Variants in RELB observed in about 807,000 individuals in gnomAD.
The protein encoded by RELB is transcription factor RelB.
A neutral mutation model predicts 55.4 loss-of-function variants in RELB; 14 were observed. The ratio of observed to expected loss-of-function variants is 0.25; its 90% CI spans 0.17 to 0.40. The LOEUF is 0.40. Ranked by LOEUF, RELB falls within the 10% of genes least tolerant of loss-of-function variation. The probability of loss-of-function intolerance (pLI) is 1.00; values close to 1 mark genes in which losing one functional copy is unlikely to be tolerated. For missense variants in RELB, 669 were observed against 830.7 expected, an observed-to-expected ratio of 0.81 and a Z score of 2.39; for synonymous variants, 409 against 371.3, an observed-to-expected ratio of 1.10 and a Z score of -1.17.
chr19:45,019,530 C>T (rs1274295900), intron 4 of RELB, among the ~76,000 whole-genome samples: 1 of 152,150 alleles, frequency 6.6e-6, no homozygotes, highest in African/African-American at 2.4e-5. Context: ...ATGTAATATA[C>T]AGTCCATATT....
chr19:45,037,562 G>A lies in RELB; in HGVS notation c.1512G>A (p.Leu504=). ...TAPTLFTMLD[L]LPPAPPHASA... ...CCACACTCTTCACCATGCTGGACCT[G>A]CTGCCCCCGGCACCGCCACACGCTA... Residue 504 remains leucine, a synonymous_variant, in exon 12 of 12, where the codon CTG becomes CTA. Transcript: ENST00000221452. 1 of 1,612,684 alleles carries A rather than the reference G, an allele frequency of 6.2e-7. No individual in the cohort carries two copies. The highest frequency in any genetic ancestry group is 8.5e-7 in the Non-Finnish European group (1 of 1,179,482).
At position 45,025,747 on chromosome 19, in the gene RELB, G is replaced by A; in HGVS notation, c.886+10G>A. The A allele has an allele frequency of 1.9e-6, 3 of 1,613,892 alleles. No homozygotes were observed. The African/African-American group carries it at 4.0e-5, about 22-fold the overall frequency. On this transcript the variant is annotated intron_variant, in intron 7 of 11. Transcript: ENST00000221452. ...CCCGTCTATGACAAGAGTGAGTTGAGAGTGCTGTGGCCGTTAGGATTGCCC... is the reference window on the plus strand; with the variant it reads ...CCCGTCTATGACAAGAGTGAGTTGAAAGTGCTGTGGCCGTTAGGATTGCCC...
At chr19:45,025,851 C>G (rs943556807) in intron 7 of RELB, 114 bp downstream of exon 7, 14 of 1,338,994 alleles carry the variant, frequency 1.0e-5, no homozygotes, top group Admixed American at 1.8e-5. Context: ...GTAATCCCAA[C>G]ACTTTGGGAG....
chr19:45,021,974 G>A, intron 4 of RELB, 79 bp from the exon 5 acceptor site: 1 of 1,413,048 alleles, frequency 7.1e-7, no homozygotes, highest in Non-Finnish European at 9.5e-7. Context: ...TTGGGGAGCT[G>A]CCAAGGAAGG....
intron 4 of RELB, among the ~76,000 whole-genome samples, chr19:45,020,285 G>A (rs980661150): frequency 3.3e-5 from 5 of 149,992 alleles, no homozygotes; most frequent in Non-Finnish European, 5.9e-5. Context: ...GTGCAGTGAC[G>A]CAATCTGGGC....
At chr19:45,036,386 T>C (rs1971686224) in intron 11 of RELB, among the ~76,000 whole-genome samples, 1 of 152,176 alleles carries the variant, frequency 6.6e-6, no homozygotes, top group African/African-American at 2.4e-5. Context: ...GAATCCCTCT[T>C]ATAATGAAAC....
intron 4 of RELB, 109 bp from the exon 5 acceptor site, chr19:45,021,944 G>A: frequency 9.0e-7 from 1 of 1,109,956 alleles, no homozygotes; most frequent in Non-Finnish European, 1.3e-6. Context: ...TCCCAACAGA[G>A]GACCCTAGTG....
chr19:45,018,256 T>C (rs1971444311), intron 4 of RELB, among the ~76,000 whole-genome samples: 1 of 151,926 alleles, frequency 6.6e-6, no homozygotes, highest in South Asian at 2.1e-4. Context: ...TACAAAAAAT[T>C]AGCCAGGTGT....
At chr19:45,026,096 G>A (rs1285776448) in intron 7 of RELB, among the ~76,000 whole-genome samples, 3 of 152,200 alleles carry the variant, frequency 2.0e-5, no homozygotes, top group African/African-American at 7.2e-5. Context: ...ACAAAAATTA[G>A]CTGGGCGCAG....
At chr19:45,008,315 A>G in intron 2 of RELB, 1 of 418,628 alleles carries the variant, frequency 2.4e-6, no homozygotes, top group Non-Finnish European at 4.9e-6. Flanking sequence ...TTATGGCCCC[A>G]CAACTAGCAA....
chr19:45,021,776 T>C (rs1971491787), intron 4 of RELB: 1 of 313,658 alleles, frequency 3.2e-6, no homozygotes, highest in Non-Finnish European at 5.9e-6. Context: ...GGTTTCACCA[T>C]GTTAGCCAGG....
At chr19:45,027,138 CAGG>C (rs1287003341) in intron 7 of RELB, among the ~76,000 whole-genome samples, 2 of 150,188 alleles carry the variant, frequency 1.3e-5, no homozygotes, top group African/African-American at 4.9e-5. Context: ...GAGGCTGAGG[CAGG>C]AGAATGGCGT....
At chr19:45,020,936 A>G (rs1009720380) in intron 4 of RELB, among the ~76,000 whole-genome samples, 1 of 152,150 alleles carries the variant, frequency 6.6e-6, no homozygotes, top group African/African-American at 2.4e-5. Flanking sequence ...GCGCTTTAGG[A>G]GGCCAAGGCA....
At chr19:45,032,900 G>A (rs961495061) in intron 9 of RELB, among the ~76,000 whole-genome samples, 151 bp downstream of exon 9, 3 of 152,150 alleles carry the variant, frequency 2.0e-5, no homozygotes, top group African/African-American at 7.2e-5. Flanking sequence ...CTGCTTACTG[G>A]TTGTGTGACC....
rs1325734653 is a variant in RELB at position 45,003,303 on chromosome 19, C to T, written c.154+307C>T. On this transcript the variant is annotated intron_variant, in intron 2 of 11. Coordinates refer to ENST00000221452, the MANE Select transcript of RELB (RefSeq NM_006509.4). ...TGGCTAACACGGTGAAACCCCGTCTCTACTGAAAATACAAAAACAAAATTA... is the reference window on the plus strand; with the variant it reads ...TGGCTAACACGGTGAAACCCCGTCTTTACTGAAAATACAAAAACAAAATTA... Among the ~76,000 whole-genome samples, 8 of 152,026 alleles carry T rather than the reference C, an allele frequency of 5.3e-5. No individual in the cohort carries two copies. The East Asian group carries it at 1.5e-3, about 29-fold the overall frequency.
At chr19:45,031,616 C>T (rs1242732575) in intron 8 of RELB, among the ~76,000 whole-genome samples, 1 of 152,026 alleles carries the variant, frequency 6.6e-6, no homozygotes, top group African/African-American at 2.4e-5. Flanking sequence ...TGCTCTGTCC[C>T]CCAGGCTGGA....
At chr19:45,026,181 G>T (rs1193887080) in intron 7 of RELB, among the ~76,000 whole-genome samples, 1 of 152,160 alleles carries the variant, frequency 6.6e-6, no homozygotes, top group Non-Finnish European at 1.5e-5. Flanking sequence ...GGCGGAGGTT[G>T]CAGTGAGCCG....
At chr19:45,013,958 G>A (rs761395877) in intron 4 of RELB, among the ~76,000 whole-genome samples, 2 of 152,174 alleles carry the variant, frequency 1.3e-5, no homozygotes, top group Non-Finnish European at 2.9e-5. Flanking sequence ...GGCCTTCTCA[G>A]TGTCTCACAT....
intron 4 of RELB, 96 bp from the exon 5 acceptor site, chr19:45,021,957 G>A (rs1971494320): frequency 1.6e-6 from 2 of 1,236,402 alleles, no homozygotes; most frequent in Non-Finnish European, 2.2e-6. Context: ...CCCTAGTGGG[G>A]AGAGGATTGG....
Sources: allele counts gnomAD v4.1 joint callset (sites outside exome capture counted in the v4.1 genomes callset), GRCh38; gene constraint gnomAD v4.1.1; transcripts MANE v1.5; gene names NCBI Gene and HGNC (gene_info 2026-07-23, HGNC 2026-07-21).